NLRP1: variants seen among roughly 807,000 people sequenced by gnomAD.
The protein encoded by NLRP1 is NLR family pyrin domain containing 1, also known as NACHT, LRR and PYD domains-containing protein 1.
In NLRP1, 94 loss-of-function variants were observed where a neutral mutation model predicts 136.7. The observed-to-expected ratio is 0.69, with a 90% CI of 0.58 to 0.82. The LOEUF (loss-of-function observed/expected upper bound fraction) is 0.82, where lower values mean the gene tolerates loss of function less well. NLRP1 is among the 40% of genes least tolerant of loss of function. The probability of loss-of-function intolerance (pLI) is 0.00; values close to 1 mark genes in which losing one functional copy is unlikely to be tolerated. For synonymous variants in NLRP1, 690 were observed against 725.1 expected (o/e 0.95, Z 0.78); for missense variants, 1,575 against 1,802.7 (o/e 0.87, Z 2.29).
downstream of NLRP1, chr17:5,512,019 T>C: frequency 1.7e-6 from 1 of 589,722 alleles, no homozygotes. Context: ...AGGTGGTAAC[T>C]AATGACAGTA....
At chr17:5,575,723 G>C (rs892965823) in intron 3 of NLRP1, among the ~76,000 whole-genome samples, 2 of 152,110 alleles carry the variant, frequency 1.3e-5, no homozygotes, top group Non-Finnish European at 2.9e-5. Flanking sequence ...CAACGAGACA[G>C]AAAGTTAAAA....
chr17:5,579,281 C>T (rs1384720954), intron 3 of NLRP1, among the ~76,000 whole-genome samples: 1 of 151,610 alleles, frequency 6.6e-6, no homozygotes, highest in Admixed American at 6.6e-5. Flanking sequence ...AATAAGATCA[C>T]CCTCCCTGAT....
intron 3 of NLRP1, among the ~76,000 whole-genome samples, chr17:5,576,427 GA>G (rs1905025659): frequency 1.3e-5 from 2 of 152,174 alleles, no homozygotes; most frequent in African/African-American, 4.8e-5. Flanking sequence ...GATGCAATAA[GA>G]AATGATAAAG....
chr17:5,570,421 A>G (rs1308988026), intron 3 of NLRP1, among the ~76,000 whole-genome samples: 1 of 152,070 alleles, frequency 6.6e-6, no homozygotes, highest in African/African-American at 2.4e-5. Context: ...CAGAAATGAC[A>G]AAGAGGACAT....
chr17:5,526,002 G>C (rs1174764584), intron 12 of NLRP1, among the ~76,000 whole-genome samples: 1 of 150,000 alleles, frequency 6.7e-6, no homozygotes, highest in Non-Finnish European at 1.5e-5. Context: ...TTGAGACAGA[G>C]TCTTGCTCTG....
intron 14 of NLRP1, among the ~76,000 whole-genome samples, chr17:5,520,121 G>T (rs951341035): frequency 3.9e-5 from 6 of 151,978 alleles, no homozygotes; most frequent in Admixed American, 3.3e-4. Context: ...TACCCAAAAT[G>T]CTGGGATTAC....
chr17:5,551,180 C>T (rs1402653785), intron 5 of NLRP1, among the ~76,000 whole-genome samples: 1 of 152,164 alleles, frequency 6.6e-6, no homozygotes, highest in Non-Finnish European at 1.5e-5. Context: ...CTCTACTGTG[C>T]TCTATTAATT....
chr17:5,571,767 C>G (rs1209262640), intron 3 of NLRP1, among the ~76,000 whole-genome samples: 1 of 151,948 alleles, frequency 6.6e-6, no homozygotes, highest in Non-Finnish European at 1.5e-5. Context: ...AATATGGAAC[C>G]AAAAAACAGC....
At chr17:5,565,016 C>A (rs997701945) in intron 3 of NLRP1, among the ~76,000 whole-genome samples, 1 of 152,128 alleles carries the variant, frequency 6.6e-6, no homozygotes, top group Non-Finnish European at 1.5e-5. Context: ...GGATTACAGG[C>A]ATGAGCCACT....
downstream of NLRP1, among the ~76,000 whole-genome samples, chr17:5,509,153 A>C (rs8079727): frequency 0.31 from 46,655 of 152,028 alleles, 7,850 homozygotes; most frequent in African/African-American, 0.46. Context: ...CTACTGCTAG[A>C]CTTCCCTTCA....
chr17:5,522,589 G>A (rs1001043888), intron 12 of NLRP1, among the ~76,000 whole-genome samples: 3 of 152,246 alleles, frequency 2.0e-5, no homozygotes, highest in African/African-American at 7.2e-5. Context: ...AAGACACCCA[G>A]CATGGGGAAG....
chr17:5,545,339 CACACACACACACACACACAG>C (rs1381467100), intron 5 of NLRP1, among the ~76,000 whole-genome samples: 1 of 33,090 alleles, frequency 3.0e-5, no homozygotes, highest in Non-Finnish European at 7.5e-5. Flanking sequence ...GACACACAGA[CACACACACACACACACACAG>C]ACACCCACAC....
At chr17:5,573,067 G>C (rs1338189992) in intron 3 of NLRP1, among the ~76,000 whole-genome samples, 1 of 152,186 alleles carries the variant, frequency 6.6e-6, no homozygotes, top group African/African-American at 2.4e-5. Flanking sequence ...CCCTTTCCTA[G>C]CCAAGGGAAG....
intron 5 of NLRP1, among the ~76,000 whole-genome samples, chr17:5,545,998 A>G (rs537341113): frequency 5.7e-4 from 86 of 152,080 alleles, no homozygotes; most frequent in African/African-American, 2.0e-3. Flanking sequence ...CTCCAATCCT[A>G]CCCACTCCCA....
At chr17:5,573,234 G>A (rs1004359439) in intron 3 of NLRP1, among the ~76,000 whole-genome samples, 1 of 152,324 alleles carries the variant, frequency 6.6e-6, no homozygotes, top group Middle Eastern at 3.4e-3. Flanking sequence ...CCAGCAGTCT[G>A]AGATTGAACA....
chr17:5,524,325 G>T (rs1909267334), intron 12 of NLRP1, among the ~76,000 whole-genome samples: 1 of 152,200 alleles, frequency 6.6e-6, no homozygotes, highest in African/African-American at 2.4e-5. Flanking sequence ...AAGGATGTCA[G>T]ACCATTTAAT....
At chr17:5,582,229 G>T (rs1288857784) in intron 2 of NLRP1, among the ~76,000 whole-genome samples, 167 bp from the exon 3 acceptor site, 1 of 152,218 alleles carries the variant, frequency 6.6e-6, no homozygotes, top group Non-Finnish European at 1.5e-5. Flanking sequence ...AGTGAAGAGA[G>T]AAGTCATGTG....
intron 13 of NLRP1, 132 bp from the exon 14 acceptor site, chr17:5,521,144 A>AT: frequency 1.2e-6 from 1 of 859,390 alleles, no homozygotes; most frequent in African/African-American, 1.7e-5. Context: ...CCCTCCCCCC[A>AT]TGCACTGCTA....
chr17:5,584,075 G>A lies in NLRP1; in HGVS notation c.-118C>T, dbSNP rs75151300. ...TCTTACCGTCTCTTATTCAGCATTC[G>A]GAACCCAGTTTTATAAATCCCAGGG... On this transcript the variant is annotated 5_prime_UTR_variant, in exon 1 of 17. Transcript: ENST00000572272. 4.7e-3 allele frequency: 4,696 copies of A among 1,006,442 alleles called. 129 individuals carry two copies. The African/African-American group carries it at 0.063, about 13-fold the overall frequency. The allele number at this position is 1,006,442 out of a possible 1,614,324, so 62.3% of individuals were successfully genotyped here.
Sources: allele counts gnomAD v4.1 joint callset (sites outside exome capture counted in the v4.1 genomes callset), GRCh38; gene constraint gnomAD v4.1.1; transcripts MANE v1.5; gene names NCBI Gene and HGNC (gene_info 2026-07-23, HGNC 2026-07-21).